LHX6: variants seen among roughly 807,000 people sequenced by gnomAD.
LHX6 encodes the protein LIM/homeobox protein Lhx6.
LHX6 carries 15 observed loss-of-function variants against 47.1 expected under a neutral mutation model. The observed-to-expected ratio is 0.32, with a 90% CI of 0.21 to 0.49. The LOEUF (loss-of-function observed/expected upper bound fraction) is 0.49, where lower values mean the gene tolerates loss of function less well. LHX6 is among the 20% of genes least tolerant of loss of function. The pLI is 0.99. For missense variants in LHX6, 404 were observed against 539.6 expected, an observed-to-expected ratio of 0.75 and a Z score of 2.49; for synonymous variants, 242 against 233.5, an observed-to-expected ratio of 1.04 and a Z score of -0.33.
At position 122,209,672 on chromosome 9, in the gene LHX6, G is replaced by A. The variant is rs367663922; in HGVS notation, c.1100C>T (p.Ala367Val). The A allele has an allele frequency of 7.3e-5, 91 of 1,248,266 alleles. 1 individual carries two copies. The Middle Eastern group carries it at 9.2e-4, about 13-fold the overall frequency. 77.3% of individuals were successfully genotyped at this position (1,248,266 alleles called of 1,614,324 possible). A position where few individuals can be genotyped will look rare whatever the true frequency, so the allele number is the denominator to read the frequency against. ...GQVHCRLPYT[A>V]PPVHLKADMD... ...ATCGGCTTTGAGGTGGACGGGGGGTGCGGTGTAAGGCAGCCGGCAGTGCAC... is the reference window on the plus strand; with the variant it reads ...ATCGGCTTTGAGGTGGACGGGGGGTACGGTGTAAGGCAGCCGGCAGTGCAC... The change falls in exon 9 of 10, where the codon GCA (alanine) becomes GTA (valine). Residue 367 changes from alanine to valine, a missense_variant. By Grantham distance (64) the Ala-to-Val change is moderately conservative. Transcript: ENST00000394319.
At chr9:122,228,401 C>T in intron 1 of LHX6, 1 of 1,496,764 alleles carries the variant, frequency 6.7e-7, no homozygotes, top group Non-Finnish European at 8.8e-7. Flanking sequence ...CCGGCCTCGC[C>T]TCCTCTTGAT....
chr9:122,221,730 A>G (rs1830871159), intron 4 of LHX6: 19 of 985,382 alleles, frequency 1.9e-5, no homozygotes, highest in Non-Finnish European at 2.2e-5. Flanking sequence ...TCACCCAGGG[A>G]GCCACACATC....
At chr9:122,205,790 A>C (rs1014047780) in intron 9 of LHX6, among the ~76,000 whole-genome samples, 8 of 152,050 alleles carry the variant, frequency 5.3e-5, no homozygotes, top group African/African-American at 1.7e-4. Context: ...CTCTGCAGCA[A>C]CCCTACGGAG....
intron 4 of LHX6, among the ~76,000 whole-genome samples, chr9:122,223,644 C>A (rs563414475): frequency 5.3e-5 from 8 of 152,164 alleles, no homozygotes; most frequent in Non-Finnish European, 1.0e-4. Context: ...CAGTCTCCTG[C>A]CTCTTCCCAC....
At chr9:122,224,450 C>T (rs1055389218) in intron 4 of LHX6, among the ~76,000 whole-genome samples, 2 of 152,120 alleles carry the variant, frequency 1.3e-5, no homozygotes, top group African/African-American at 4.8e-5. Context: ...GAGGAGACAT[C>T]ACACTCTGGT....
chr9:122,222,289 G>A (rs1350923421), intron 4 of LHX6, among the ~76,000 whole-genome samples: 3 of 152,194 alleles, frequency 2.0e-5, no homozygotes, highest in African/African-American at 7.2e-5. Flanking sequence ...AAATGTGAAT[G>A]TCCCGGAAAG....
intron 5 of LHX6, among the ~76,000 whole-genome samples, chr9:122,215,447 G>A (rs963900602): frequency 4.4e-4 from 67 of 152,186 alleles, no homozygotes; most frequent in Admixed American, 4.3e-3. Context: ...AAGAGAGATC[G>A]GAGGCCCCAG....
intron 5 of LHX6, among the ~76,000 whole-genome samples, chr9:122,215,097 A>G (rs1830545262): frequency 6.6e-6 from 1 of 152,242 alleles, no homozygotes; most frequent in East Asian, 1.9e-4. Context: ...CATTGTTCTG[A>G]ATATCCTCAA....
chr9:122,209,442 CAACCA>C (rs1369063326), intron 9 of LHX6, among the ~76,000 whole-genome samples, 167 bp downstream of exon 9: 2 of 152,234 alleles, frequency 1.3e-5, no homozygotes, highest in African/African-American at 4.8e-5. Flanking sequence ...AACACACTAG[CAACCA>C]CCGCTCCAGT....
intron 4 of LHX6, among the ~76,000 whole-genome samples, chr9:122,222,708 A>G (rs1035808796): frequency 1.3e-5 from 2 of 152,200 alleles, no homozygotes; most frequent in African/African-American, 4.8e-5. Context: ...AGCTCTGCCA[A>G]TGGAGACTGA....
intron 4 of LHX6, chr9:122,221,308 C>T (rs1830845589): frequency 2.0e-6 from 2 of 985,510 alleles, no homozygotes; most frequent in Non-Finnish European, 2.4e-6. Context: ...TCCCCCAGCT[C>T]CCCTCTCGGC....
chr9:122,211,423 C>T (rs764508305), intron 8 of LHX6, among the ~76,000 whole-genome samples: 1 of 152,082 alleles, frequency 6.6e-6, no homozygotes, highest in Non-Finnish European at 1.5e-5. Context: ...ATTCCAAGCT[C>T]GAAGCCTCCA....
chr9:122,217,269 C>T lies in LHX6; in HGVS notation c.481G>A (p.Ala161Thr). 6.2e-7 allele frequency: 1 copy of T among 1,612,582 alleles called. No individual in the cohort carries two copies. The highest frequency in any genetic ancestry group is 8.5e-7 in the Non-Finnish European group (1 of 1,179,796). Residue 161 changes from alanine to threonine, a missense_variant, in exon 5 of 10, where the codon GCC (alanine) becomes ACC (threonine). Transcript: ENST00000394319. This position sits in a 1 kb window ranked among gnomAD's most constrained non-coding sequence, Gnocchi z 4.9. ...DYFSRFGTKC[A>T]RCGRQIYASD... ...GCGTAGATCTGTCGGCCGCACCGGGCACACTTGGTCCCGAATCGGCTGCAG... is the reference window on the plus strand; with the variant it reads ...GCGTAGATCTGTCGGCCGCACCGGGTACACTTGGTCCCGAATCGGCTGCAG...
chr9:122,228,424 T>C (rs960628445), intron 1 of LHX6: 5 of 1,469,564 alleles, frequency 3.4e-6, no homozygotes, highest in Non-Finnish European at 4.5e-6. Flanking sequence ...GCCTGTGTCT[T>C]TACTAAATCG....
In LHX6 at chr9:122,214,344, T is replaced by C. The variant is rs200081104; in HGVS notation, c.722A>G (p.Gln241Arg). 4 of 1,596,190 alleles carry C rather than the reference T, an allele frequency of 2.5e-6. No individual in the cohort carries two copies. The highest frequency in any genetic ancestry group is 3.4e-6 in the Non-Finnish European group (4 of 1,173,762). ...LTLEGAVPSE[Q>R]DSQPKPAKRA... The stretch of plus-strand genomic sequence containing the variant: ...CTTGGCCGGCTTGGGTTGACTGTCC[T>C]GTTCCGAGGGCACTGCCCCCTCCAA... Residue 241 changes from glutamine (Q) to arginine (R), a missense_variant, in exon 6 of 10, where the codon CAG (glutamine) becomes CGG (arginine). Around this residue, in one of 7 missense-constraint regions of LHX6, gnomAD observed 43 missense variants for 84.7 expected, o/e 0.51. Coordinates refer to ENST00000394319, the MANE Select transcript of LHX6 (RefSeq NM_014368.5). The surrounding 1 kb of genome is among the most constrained non-coding windows in gnomAD (Gnocchi z 4.6).
At chr9:122,218,438 G>GT (rs1830681828) in intron 4 of LHX6, among the ~76,000 whole-genome samples, 1 of 152,134 alleles carries the variant, frequency 6.6e-6, no homozygotes, top group Admixed American at 6.5e-5. Context: ...TGTTGGTTCT[G>GT]TTTCCCAAGT....
intron 9 of LHX6, among the ~76,000 whole-genome samples, chr9:122,208,124 C>T (rs527733635): frequency 3.3e-5 from 5 of 152,128 alleles, no homozygotes; most frequent in African/African-American, 1.2e-4. Context: ...CCCACACTGC[C>T]GCAGCATAAA....
Position 122,214,452 on chromosome 9 carries a change from G to T in LHX6, c.683-69C>A, listed in dbSNP as rs555020779. The T allele has an allele frequency of 1.2e-5, 18 of 1,442,904 alleles. No homozygotes were observed. The South Asian group carries it at 2.5e-4, about 20-fold the overall frequency. The allele number at this position is 1,442,904 out of a possible 1,614,324, so 89.4% of individuals were successfully genotyped here. A position where few individuals can be genotyped will look rare whatever the true frequency, so the allele number is the denominator to read the frequency against. On this transcript the variant is annotated intron_variant, in intron 5 of 9. Coordinates refer to ENST00000394319, the MANE Select transcript of LHX6 (RefSeq NM_014368.5). This position sits in a 1 kb window ranked among gnomAD's most constrained non-coding sequence, Gnocchi z 4.6. ...TAGTGGCAGCCTGGAAAGGACGGGG[G>T]TGGGGGGAGCTTGTCCCTGGAAGGG...
chr9:122,222,291 C>A (rs543161618), intron 4 of LHX6, among the ~76,000 whole-genome samples: 150 of 152,148 alleles, frequency 9.9e-4, no homozygotes, highest in Admixed American at 1.2e-3. Flanking sequence ...ATGTGAATGT[C>A]CCGGAAAGGA....
Sources: allele counts gnomAD v4.1 joint callset (sites outside exome capture counted in the v4.1 genomes callset), GRCh38; gene constraint gnomAD v4.1.1; regional missense constraint gnomAD v4.1.1; non-coding constraint Gnocchi (gnomAD v3.1); transcripts MANE v1.5; gene names NCBI Gene and HGNC (gene_info 2026-07-23, HGNC 2026-07-21).